The following PIWIL3 variants were observed in gnomAD, a reference collection of about 807,000 sequenced individuals.
The protein encoded by PIWIL3 is piwi-like protein 3.
A neutral mutation model predicts 109.7 loss-of-function variants in PIWIL3; 101 were observed. That is an observed-to-expected ratio of 0.92 (90% CI 0.78 to 1.09). The LOEUF is 1.09. Ranked by LOEUF, PIWIL3 falls within the 50% of genes least tolerant of loss-of-function variation. PIWIL3 has a pLI of 0.00. For missense variants in PIWIL3, 1,031 were observed against 1,072.6 expected (o/e 0.96, Z 0.54); for synonymous variants, 373 against 376.4 (o/e 0.99, Z 0.10).
At chr22:24,741,013 A>C (rs67441610) in intron 12 of PIWIL3, among the ~76,000 whole-genome samples, 2 of 151,990 alleles carry the variant, frequency 1.3e-5, no homozygotes, top group East Asian at 3.8e-4. Context: ...ATTCTCAACA[A>C]AATACTAGCT....
chr22:24,760,553 C>T (rs767117664), intron 2 of PIWIL3, among the ~76,000 whole-genome samples: 2 of 151,332 alleles, frequency 1.3e-5, no homozygotes, highest in South Asian at 4.2e-4. Flanking sequence ...TTTGGGAGGC[C>T]GAGGCAGCCA....
At chr22:24,732,985 C>T (rs1923442752) in intron 14 of PIWIL3, among the ~76,000 whole-genome samples, 1 of 152,102 alleles carries the variant, frequency 6.6e-6, no homozygotes, top group African/African-American at 2.4e-5. Context: ...GCTTCTCTTA[C>T]CAAGAGGGGG....
At position 24,723,117 on chromosome 22, in the gene PIWIL3, A is replaced by G. The variant is rs1430164578; in HGVS notation, c.2357+13T>C. The G allele has an allele frequency of 3.1e-6, 5 of 1,611,324 alleles. No homozygotes were observed. ...AATCATAGAACCATGTGCAAAAAATACAGGTGGCTTACCATTCATTCCTAG... is the reference window on the plus strand; with the variant it reads ...AATCATAGAACCATGTGCAAAAAATGCAGGTGGCTTACCATTCATTCCTAG... On this transcript the variant is annotated intron_variant, in intron 19 of 20. Coordinates refer to ENST00000616349, the MANE Select transcript of PIWIL3 (RefSeq NM_001255975.1).
rs778879764 is a variant in PIWIL3 at position 24,749,714 on chromosome 22, G to T, written c.1195C>A (p.Pro399Thr). The change falls in exon 10 of 21, where the codon CCT (proline) becomes ACT (threonine). Residue 399 changes from proline to threonine, a missense_variant. Physicochemically the swap from Pro to Thr is conservative, Grantham distance 38. Coordinates refer to ENST00000616349, the MANE Select transcript of PIWIL3 (RefSeq NM_001255975.1). The stretch of plus-strand genomic sequence containing the variant: ...GTACCTGTCATGTGGCACAGCTGAG[G>T]AATCAGCAGGATAGGTTCACGTTGT... The part of the protein sequence containing the change: ...GTQREPILLI[P>T]QLCHMTGLTD... 16 of 1,614,020 alleles carry T rather than the reference G, an allele frequency of 9.9e-6. No homozygotes were observed. Among genetic ancestry groups the T allele is most frequent in the African/African-American group, 1.3e-5 (1 of 74,902 alleles).
intron 1 of PIWIL3, among the ~76,000 whole-genome samples, chr22:24,768,827 G>A (rs1925951560): frequency 6.6e-6 from 1 of 151,908 alleles, no homozygotes; most frequent in Non-Finnish European, 1.5e-5. Flanking sequence ...TATTCTCAAG[G>A]AGATGAGCAT....
intron 19 of PIWIL3, among the ~76,000 whole-genome samples, chr22:24,721,547 T>C (rs1922674417): frequency 6.6e-6 from 1 of 152,232 alleles, no homozygotes; most frequent in Non-Finnish European, 1.5e-5. Flanking sequence ...AAACATTTTT[T>C]CATATCTTCC....
Position 24,773,703 on chromosome 22 carries a change from A to ATTTTTT in PIWIL3, c.-23+613_-23+618dup, listed in dbSNP as rs61034646. 1.3e-4 allele frequency among the ~76,000 whole-genome samples: 14 copies of ATTTTTT among 110,208 alleles called. 1 individual carries two copies. Among genetic ancestry groups the ATTTTTT allele is most frequent in the East Asian group, 5.7e-4 (2 of 3,516 alleles). 72.3% of individuals were successfully genotyped at this position (110,208 alleles called of 152,430 possible). ...AAAGGATATGTACAAGACACTCTAG[A>ATTTTTT]TTTTTTTTTTTTTTTTTTTTTTTTG... On this transcript the variant is annotated intron_variant, in intron 1 of 20. Coordinates refer to ENST00000616349, the MANE Select transcript of PIWIL3 (RefSeq NM_001255975.1).
At chr22:24,745,303 T>C (rs1376824325) in intron 12 of PIWIL3, among the ~76,000 whole-genome samples, 2 of 151,974 alleles carry the variant, frequency 1.3e-5, no homozygotes, top group Admixed American at 6.6e-5. Context: ...TCTTAAAGAA[T>C]TAGAAATACA....
rs1386949272 is a variant in PIWIL3, at chr22:24,759,973, T to C, written c.119A>G (p.Gln40Arg). 2 of 1,614,092 alleles carry C rather than the reference T, an allele frequency of 1.2e-6. No individual in the cohort carries two copies. Among genetic ancestry groups the C allele is most frequent in the Non-Finnish European group, 1.7e-6 (2 of 1,180,016 alleles). The part of the protein sequence containing the change: ...PGSATTQEPP[Q>R]LQSTPRPLQE... ...CAGCGGCCGGGGTGTCGACTGCAACTGAGGGGGCTCCTGGGTCTGCATGTT... is the reference window on the plus strand; with the variant it reads ...CAGCGGCCGGGGTGTCGACTGCAACCGAGGGGGCTCCTGGGTCTGCATGTT... The change falls in exon 3 of 21, where the codon CAG becomes CGG. Residue 40 changes from glutamine to arginine, a missense_variant. Physicochemically the swap from Gln to Arg is conservative, Grantham distance 43. Transcript: ENST00000616349.
intron 1 of PIWIL3, among the ~76,000 whole-genome samples, chr22:24,772,530 C>A (rs1442364758): frequency 2.0e-5 from 3 of 152,202 alleles, no homozygotes; most frequent in East Asian, 3.9e-4. Flanking sequence ...AGGAGCCAAT[C>A]TGTGCAAAGA....
intron 2 of PIWIL3, among the ~76,000 whole-genome samples, chr22:24,760,974 T>C (rs1289944958): frequency 2.6e-5 from 4 of 151,670 alleles, no homozygotes; most frequent in African/African-American, 9.7e-5. Context: ...GAGAAAACAA[T>C]CCCGTGGTTG....
At chr22:24,768,053 T>TA (rs1925899450) in intron 1 of PIWIL3, among the ~76,000 whole-genome samples, 2 of 152,204 alleles carry the variant, frequency 1.3e-5, no homozygotes, top group Non-Finnish European at 2.9e-5. Flanking sequence ...TCAGGTCTGA[T>TA]AGACTCTCCT....
intron 7 of PIWIL3, among the ~76,000 whole-genome samples, 187 bp downstream of exon 7, chr22:24,754,597 G>T (rs560730530): frequency 9.9e-5 from 15 of 152,228 alleles, no homozygotes; most frequent in African/African-American, 3.6e-4. Context: ...GTTTATATTT[G>T]TCATGCTAAG....
At chr22:24,764,197 C>T (rs1354838440) in intron 1 of PIWIL3, among the ~76,000 whole-genome samples, 1 of 152,236 alleles carries the variant, frequency 6.6e-6, no homozygotes, top group Admixed American at 6.5e-5. Context: ...TCCGTCCGGC[C>T]GAAAGAGGCC....
intron 1 of PIWIL3, among the ~76,000 whole-genome samples, chr22:24,767,038 CAGG>C (rs1925836703): frequency 6.6e-6 from 1 of 151,740 alleles, no homozygotes; most frequent in Non-Finnish European, 1.5e-5. Context: ...GAGGTTGAGG[CAGG>C]AGGACAGGAG....
rs1006661902 is a variant in PIWIL3 at position 24,749,637 on chromosome 22, C to G, written c.1216+56G>C. On this transcript the variant is annotated intron_variant, in intron 10 of 20. Transcript: ENST00000616349. ...ACACCCTTCGAATTCCCTGAAAAGC[C>G]TGCGTTAAGTCGTAATTATACCTGA... 4 of 1,612,756 alleles carry G rather than the reference C, an allele frequency of 2.5e-6. No individual in the cohort carries two copies. In the African/African-American group the frequency reaches 5.3e-5, roughly 22 times the overall value.
At chr22:24,744,069 G>C (rs1924168141) in intron 12 of PIWIL3, among the ~76,000 whole-genome samples, 1 of 147,062 alleles carries the variant, frequency 6.8e-6, no homozygotes, top group Admixed American at 7.0e-5. Flanking sequence ...AGGAAGAAGA[G>C]ACTATAAAAC....
chr22:24,750,446 A>G (rs566050099), intron 9 of PIWIL3, among the ~76,000 whole-genome samples: 1 of 151,478 alleles, frequency 6.6e-6, no homozygotes, highest in East Asian at 1.9e-4. Context: ...TTTCTAGATA[A>G]GTAATATTTT....
At position 24,723,072 on chromosome 22, in the gene PIWIL3, GA is replaced by G. The variant is rs1028939167; in HGVS notation, c.2357+57del. 8.4e-6 allele frequency: 13 copies of G among 1,555,096 alleles called. No homozygotes were observed. In the African/African-American group the frequency reaches 1.6e-4, roughly 20 times the overall value. On this transcript the variant is annotated intron_variant, in intron 19 of 20. Coordinates refer to ENST00000616349, the MANE Select transcript of PIWIL3 (RefSeq NM_001255975.1). ...GTTATTGGAATTAAGTGATTGTGCT[GA>G]ACTGAAGGAAATTGAGAAAATCATA...
Sources: gnomAD v4.1 joint callset for allele counts (sites outside exome capture counted in the v4.1 genomes callset) on GRCh38, gnomAD v4.1.1 for gene constraint, MANE v1.5 for transcripts, NCBI Gene and HGNC (gene_info 2026-07-23, HGNC 2026-07-21) for gene names.